SLC43A1: variants seen among roughly 807,000 people sequenced by gnomAD.
The protein encoded by SLC43A1 is solute carrier family 43 member 1.
In SLC43A1, 31 loss-of-function variants were observed where a neutral mutation model predicts 59.5. That is an observed-to-expected ratio of 0.52 (90% CI 0.39 to 0.70). The LOEUF is 0.70. Among genes scored for constraint, SLC43A1 ranks in the 30% least tolerant of loss-of-function variants. The pLI is 0.00. For synonymous variants in SLC43A1, 259 were observed against 290.9 expected (o/e 0.89, Z 1.12); for missense variants, 598 against 717.8 (o/e 0.83, Z 1.91).
At chr11:57,497,303 C>T (rs1278810382) in intron 6 of SLC43A1, among the ~76,000 whole-genome samples, 2 of 152,174 alleles carry the variant, frequency 1.3e-5, no homozygotes, top group Non-Finnish European at 2.9e-5. Flanking sequence ...ACCAGGTTGA[C>T]CTGTCCAGGA....
At chr11:57,492,573 T>TAA (rs775185880) in intron 8 of SLC43A1, among the ~76,000 whole-genome samples, 1 of 12,520 alleles carries the variant, frequency 8.0e-5, no homozygotes, top group East Asian at 7.5e-3. Context: ...TATATATATA[T>TAA]AAAAAAATAA....
intron 8 of SLC43A1, among the ~76,000 whole-genome samples, 185 bp downstream of exon 8, chr11:57,493,808 A>T (rs541004541): frequency 9.2e-5 from 14 of 152,316 alleles, no homozygotes; most frequent in Admixed American, 5.9e-4. Context: ...CCTGAATCTG[A>T]ACTTCCCAGC....
intron 2 of SLC43A1, among the ~76,000 whole-genome samples, chr11:57,505,199 G>A (rs1565139145): frequency 6.6e-6 from 1 of 152,162 alleles, no homozygotes; most frequent in Non-Finnish European, 1.5e-5. Context: ...ATAGTTATTC[G>A]TTATTTGAAT....
chr11:57,487,184 G>C lies in SLC43A1; in HGVS notation c.1444C>G (p.Leu482Val), dbSNP rs1441837084. Residue 482 changes from leucine to valine, a missense_variant, in exon 14 of 15, where the codon CTG becomes GTG. Leu to Val is a conservative substitution (Grantham distance 32). Coordinates refer to ENST00000278426, the MANE Select transcript of SLC43A1 (RefSeq NM_003627.6). ...PSNHFGTLTG[L>V]QSLISAVFAL... is the part of the protein sequence containing the mutation. ...AACACAGCACTGATGAGGGACTGCA[G>C]GCCTGTCAGCGTCCCAAAGTGGTTG... 1 of 1,614,018 alleles carries C rather than the reference G, an allele frequency of 6.2e-7. No homozygotes were observed. Among genetic ancestry groups the C allele is most frequent in the Non-Finnish European group, 8.5e-7 (1 of 1,179,918 alleles).
rs1944617223 is a variant in SLC43A1, at chr11:57,513,990, T to G, written c.122A>C (p.Lys41Thr). 1.3e-6 allele frequency: 2 copies of G among 1,551,826 alleles called. No individual in the cohort carries two copies. The highest frequency in any genetic ancestry group is 1.8e-5 in the Admixed American group (1 of 56,832). The stretch of plus-strand genomic sequence containing the variant: ...CGTGCTGGAATAGAAGCCCTCGTTC[T>G]TCAGAATGATCAACAGGGAGCCCCA... ...LGWGSLLIIL[K>T]NEGFYSSTCP... The change falls in exon 2 of 15, where the codon AAG becomes ACG. Residue 41 changes from lysine to threonine, a missense_variant. Transcript: ENST00000278426.
rs751218690 is a variant in SLC43A1 at position 57,497,803 on chromosome 11, G to A, written c.508C>T (p.Leu170Phe). 1.7e-5 allele frequency: 27 copies of A among 1,613,732 alleles called. No individual in the cohort carries two copies. The Admixed American group carries it at 4.2e-4, about 25-fold the overall frequency. Reference sequence around the variant, plus strand: ...GAAGAGGCGTAAGAGCCAATCATGAGGGCCATTAACGTGGAGCGCAGGTTC... The same window carrying A: ...GAAGAGGCGTAAGAGCCAATCATGAAGGCCATTAACGTGGAGCGCAGGTTC... Reference protein sequence around the residue: ...FGNLRSTLMALMIGSYASSAI... With the variant: ...FGNLRSTLMAFMIGSYASSAI... Residue 170 changes from leucine to phenylalanine, a missense_variant, in exon 6 of 15, where the codon CTC becomes TTC. Transcript: ENST00000278426.
chr11:57,492,933 G>C (rs1453347504), intron 8 of SLC43A1, among the ~76,000 whole-genome samples: 2 of 150,806 alleles, frequency 1.3e-5, no homozygotes, highest in African/African-American at 4.9e-5. Context: ...CCAGCTATTT[G>C]GGAGGCTGAG....
chr11:57,489,742 C>A (rs1456588397), intron 11 of SLC43A1, among the ~76,000 whole-genome samples: 2 of 152,188 alleles, frequency 1.3e-5, no homozygotes, highest in Non-Finnish European at 2.9e-5. Context: ...GGTTTGAGAA[C>A]CAAGGATGGG....
chr11:57,493,854 G>C (rs948156949), intron 8 of SLC43A1, 139 bp downstream of exon 8: 23 of 757,868 alleles, frequency 3.0e-5, no homozygotes, highest in Non-Finnish European at 4.4e-5. Flanking sequence ...CTGTAAATGA[G>C]GAGCATGCCC....
rs373535928 is a variant in SLC43A1 at position 57,489,388 on chromosome 11, C to G, written c.1198G>C (p.Gly400Arg). The G allele has an allele frequency of 1.9e-6, 3 of 1,614,086 alleles. No individual in the cohort carries two copies. The highest frequency in any genetic ancestry group is 1.1e-5 in the South Asian group (1 of 91,070). ...GGTCTGATGGATTTGGTAGCAACCCCGTCCCTGAGGAGTACGGGAAGTCAC... is the reference window on the plus strand; with the variant it reads ...GGTCTGATGGATTTGGTAGCAACCCGGTCCCTGAGGAGTACGGGAAGTCAC... ...QGTVLGDARDGVATKSIRPRY... is the reference protein window; with the variant it reads ...QGTVLGDARDRVATKSIRPRY... Residue 400 changes from glycine (G) to arginine (R), a missense_variant, in exon 12 of 15, where the codon GGG (glycine) becomes CGG (arginine). Physicochemically the swap from Gly to Arg is moderately radical, Grantham distance 125. Transcript: ENST00000278426.
chr11:57,496,050 G>C lies in SLC43A1; in HGVS notation c.673C>G (p.Pro225Ala). 1 of 1,614,026 alleles carries C rather than the reference G, an allele frequency of 6.2e-7. No individual in the cohort carries two copies. Among genetic ancestry groups the C allele is most frequent in the Non-Finnish European group, 8.5e-7 (1 of 1,179,962 alleles). ...ACTCACGTGTAATTGACTTCCTCAG[G>C]GGCAGGAAAGGCTTCGATGGGCCAG... is the stretch of plus-strand genomic sequence containing the variant. ...LNWPIEAFPA[P>A]EEVNYTKKIK... The change falls in exon 7 of 15, where the codon CCT (proline) becomes GCT (alanine). Residue 225 changes from proline (P) to alanine (A), a missense_variant. Physicochemically the swap from Pro to Ala is conservative, Grantham distance 27. Coordinates refer to ENST00000278426, the MANE Select transcript of SLC43A1 (RefSeq NM_003627.6).
At chr11:57,499,122 C>T (rs901896713) in intron 5 of SLC43A1, among the ~76,000 whole-genome samples, 1 of 152,000 alleles carries the variant, frequency 6.6e-6, no homozygotes, top group South Asian at 2.1e-4. Context: ...CAGGAGTTCG[C>T]GACCAGCCTG....
At chr11:57,507,685 T>C (rs1334577622) in intron 2 of SLC43A1, among the ~76,000 whole-genome samples, 1 of 152,200 alleles carries the variant, frequency 6.6e-6, no homozygotes, top group African/African-American at 2.4e-5. Flanking sequence ...GTTCCTCATT[T>C]GTTGAGCTCT....
intron 10 of SLC43A1, 24 bp from the exon 11 acceptor site, chr11:57,491,386 G>A: frequency 6.3e-7 from 1 of 1,575,338 alleles, no homozygotes; most frequent in Non-Finnish European, 8.6e-7. Context: ...GAAGGGCAGT[G>A]GGGTCAGGAA....
chr11:57,508,944 C>T lies in SLC43A1; in HGVS notation c.154+5014G>A, dbSNP rs540870330. Among the ~76,000 whole-genome samples the T allele has an allele frequency of 1.9e-3, 291 of 152,038 alleles. 2 individuals are homozygous for T. Among genetic ancestry groups the T allele is most frequent in the African/African-American group, 6.2e-3 (258 of 41,454 alleles). ...AAAGCCTGGCCAACAGGTGAAACTG[C>T]ATCTTTACTAAAAATACAAAAATTA... On this transcript the variant is annotated intron_variant, in intron 2 of 14. Coordinates refer to ENST00000278426, the MANE Select transcript of SLC43A1 (RefSeq NM_003627.6).
chr11:57,488,868 G>A (rs1481508915), intron 13 of SLC43A1, 48 bp downstream of exon 13: 2 of 1,521,404 alleles, frequency 1.3e-6, no homozygotes, highest in African/African-American at 1.4e-5. Context: ...GGGGTTCTCT[G>A]ATCACGGTTG....
Position 57,514,490 on chromosome 11 carries a change from C to G in SLC43A1, c.-13-366G>C, listed in dbSNP as rs1018498055. On this transcript the variant is annotated intron_variant, in intron 1 of 14. Coordinates refer to ENST00000278426, the MANE Select transcript of SLC43A1 (RefSeq NM_003627.6). This position sits in a 1 kb window ranked among gnomAD's most constrained non-coding sequence, Gnocchi z 5.5. ...CCCCAGAGGACAGCAAGGGGCAGAG[C>G]GCGCTCTGAAGCACCGCGGGCCCAT... 4.9e-6 allele frequency: 1 copy of G among 205,172 alleles called. No homozygotes were observed. The highest frequency in any genetic ancestry group is 9.9e-6 in the Non-Finnish European group (1 of 101,232). 12.7% of individuals were successfully genotyped at this position (205,172 alleles called of 1,614,324 possible).
At chr11:57,509,470 C>T (rs539753392) in intron 2 of SLC43A1, among the ~76,000 whole-genome samples, 2 of 150,086 alleles carry the variant, frequency 1.3e-5, no homozygotes, top group Non-Finnish European at 3.0e-5. Context: ...TGCCTGTAGT[C>T]CCAGCTACTC....
intron 5 of SLC43A1, among the ~76,000 whole-genome samples, chr11:57,498,750 T>C (rs959283248): frequency 6.6e-6 from 1 of 152,040 alleles, no homozygotes; most frequent in Non-Finnish European, 1.5e-5. Flanking sequence ...GCAGACAGTC[T>C]CCAGAGGAGG....
Sources: allele counts gnomAD v4.1 joint callset (sites outside exome capture counted in the v4.1 genomes callset), GRCh38; gene constraint gnomAD v4.1.1; non-coding constraint Gnocchi (gnomAD v3.1); transcripts MANE v1.5; gene names NCBI Gene and HGNC (gene_info 2026-07-23, HGNC 2026-07-21).